The following ARHGEF7 variants were observed in gnomAD, a reference collection of about 807,000 sequenced individuals.
ARHGEF7 encodes PAK-interacting exchange factor beta.
A neutral mutation model predicts 109.8 loss-of-function variants in ARHGEF7; 33 were observed. That is an observed-to-expected ratio of 0.30 (90% confidence interval 0.23 to 0.40). The LOEUF is 0.40. Ranked by LOEUF, ARHGEF7 falls within the 10% of genes least tolerant of loss-of-function variation. ARHGEF7 has a pLI of 1.00. For synonymous variants in ARHGEF7, 458 were observed against 424.6 expected (o/e 1.08, Z -0.97); for missense variants, 938 against 1,098.5 (o/e 0.85, Z 2.07).
rs1243860235 is a variant in ARHGEF7, at chr13:111,272,647, C to A, written c.1074-1167C>A. 6.6e-6 allele frequency among the ~76,000 whole-genome samples: 1 copy of A among 152,108 alleles called. No individual in the cohort carries two copies. The highest frequency in any genetic ancestry group is 1.9e-4 in the East Asian group (1 of 5,198). Reference sequence around the variant, plus strand: ...TGGGGCGTGGTGATGGGGCGGGGGTCACCTGGGTCTCCTGGATGGGATGTG... The same window carrying A: ...TGGGGCGTGGTGATGGGGCGGGGGTAACCTGGGTCTCCTGGATGGGATGTG... On this transcript the variant is annotated intron_variant, in intron 9 of 21. Transcript: ENST00000646102. This position sits in a 1 kb window ranked among gnomAD's most constrained non-coding sequence, Gnocchi z 5.2.
intron 2 of ARHGEF7, among the ~76,000 whole-genome samples, chr13:111,186,407 T>C (rs1318684687): frequency 1.3e-5 from 2 of 152,218 alleles, no homozygotes; most frequent in Admixed American, 1.3e-4. Flanking sequence ...TGGGTGCATG[T>C]TGGGTGAAAG....
intron 19 of ARHGEF7, chr13:111,292,570 G>GT: frequency 7.5e-7 from 1 of 1,338,210 alleles, no homozygotes. Flanking sequence ...GGTGCTCTTC[G>GT]TAAGGGGTAG....
At chr13:111,125,478 C>T (rs1594827812) in intron 1 of ARHGEF7, among the ~76,000 whole-genome samples, 1 of 149,942 alleles carries the variant, frequency 6.7e-6, no homozygotes, top group Admixed American at 6.7e-5. Context: ...ATAAAAGAAA[C>T]GTAAGCCTCG....
At chr13:111,185,508 A>G (rs1211305876) in intron 2 of ARHGEF7, among the ~76,000 whole-genome samples, 1 of 152,084 alleles carries the variant, frequency 6.6e-6, no homozygotes, top group Non-Finnish European at 1.5e-5. Context: ...ATCTTGAGAA[A>G]CTTCTCAAAA....
At position 111,244,984 on chromosome 13, in the gene ARHGEF7, A is replaced by C. The variant is rs142888058; in HGVS notation, c.950+690A>C. Among the ~76,000 whole-genome samples the C allele has an allele frequency of 4.2e-3, 633 of 152,238 alleles. 4 individuals carry two copies. Among genetic ancestry groups the C allele is most frequent in the African/African-American group, 0.015 (616 of 41,536 alleles). ...TTGTCGAGATGCTTGAAGAAATGGT[A>C]GTTGGTTGGTGAGAGGTCAGGTGAA... On this transcript the variant is annotated intron_variant, in intron 8 of 21. Coordinates refer to ENST00000646102, the MANE Select transcript of ARHGEF7 (RefSeq NM_001354046.2).
At chr13:111,115,819 C>G in intron 1 of ARHGEF7, 128 bp downstream of exon 1, 1 of 298,162 alleles carries the variant, frequency 3.4e-6, no homozygotes, top group African/African-American at 2.3e-5. Context: ...CGCGGAGCGG[C>G]GGCGCGGCCG....
intron 19 of ARHGEF7, chr13:111,293,751 G>A: frequency 1.0e-6 from 1 of 985,350 alleles, no homozygotes. Flanking sequence ...GTAATTCCAG[G>A]TGGCCGTGAT....
chr13:111,250,964 C>G (rs1258670242), intron 8 of ARHGEF7, among the ~76,000 whole-genome samples: 1 of 152,220 alleles, frequency 6.6e-6, no homozygotes, highest in Non-Finnish European at 1.5e-5. Flanking sequence ...TTGGTGGTTT[C>G]TAATGTAGGC....
chr13:111,246,352 G>C (rs1443139612), intron 8 of ARHGEF7, among the ~76,000 whole-genome samples: 2 of 152,100 alleles, frequency 1.3e-5, no homozygotes, highest in Admixed American at 1.3e-4. Context: ...TTCAGCTTGT[G>C]CCTATTTAGG....
chr13:111,285,941 A>G (rs1426000196), intron 16 of ARHGEF7, among the ~76,000 whole-genome samples: 2 of 152,168 alleles, frequency 1.3e-5, no homozygotes, highest in Non-Finnish European at 2.9e-5. Flanking sequence ...AAATTAGCCA[A>G]TGACTAATAC....
Position 111,247,084 on chromosome 13 carries a change from G to T in ARHGEF7, c.950+2790G>T, listed in dbSNP as rs868273231. The stretch of plus-strand genomic sequence containing the variant: ...TGTATACGAGGTGTTAGAGTTCCAC[G>T]GGGAAATGGAATGTACTAGACGAAG... On this transcript the variant is annotated intron_variant, in intron 8 of 21. Coordinates refer to ENST00000646102, the MANE Select transcript of ARHGEF7 (RefSeq NM_001354046.2). 2.0e-5 allele frequency among the ~76,000 whole-genome samples: 3 copies of T among 152,226 alleles called. No homozygotes were observed. The South Asian group carries it at 6.2e-4, about 32-fold the overall frequency.
chr13:111,291,460 C>A (rs1364630787), intron 18 of ARHGEF7, among the ~76,000 whole-genome samples: 2 of 152,250 alleles, frequency 1.3e-5, no homozygotes. Flanking sequence ...CTCCAGCGCG[C>A]CCTGGGAGCA....
intron 1 of ARHGEF7, among the ~76,000 whole-genome samples, chr13:111,119,826 C>G (rs1386457948): frequency 6.6e-6 from 1 of 152,134 alleles, no homozygotes; most frequent in African/African-American, 2.4e-5. Context: ...AAGTGCTCAC[C>G]TGCTAGAAAT....
At chr13:111,298,390 G>A (rs1595628769) in intron 19 of ARHGEF7, among the ~76,000 whole-genome samples, 1 of 152,162 alleles carries the variant, frequency 6.6e-6, no homozygotes, top group Non-Finnish European at 1.5e-5. Flanking sequence ...TTCCTAAGCA[G>A]TATCTTCCCG....
chr13:111,129,477 AT>A (rs1331368895), intron 1 of ARHGEF7, among the ~76,000 whole-genome samples: 2 of 152,228 alleles, frequency 1.3e-5, no homozygotes, highest in Non-Finnish European at 2.9e-5. Context: ...TGCAAATCAC[AT>A]GTCTGTTTAA....
At chr13:111,280,432 T>G (rs1243323063) in intron 14 of ARHGEF7, 82 bp downstream of exon 14, 1 of 1,584,028 alleles carries the variant, frequency 6.3e-7, no homozygotes, top group African/African-American at 1.4e-5. Context: ...TGCTTGCGTA[T>G]TTCAGAAGGT....
chr13:111,248,692 C>T (rs779571588), intron 8 of ARHGEF7, among the ~76,000 whole-genome samples: 2 of 152,042 alleles, frequency 1.3e-5, no homozygotes, highest in African/African-American at 2.4e-5. Context: ...GAATTTGTTT[C>T]GCTTAAAAAA....
chr13:111,205,261 A>AT (rs2081676913), intron 2 of ARHGEF7, 28 bp from the exon 3 acceptor site: 1 of 1,574,090 alleles, frequency 6.4e-7, no homozygotes, highest in African/African-American at 1.4e-5. Flanking sequence ...GACTCTACTA[A>AT]TTTTGCTTGT....
At chr13:111,295,072 A>G (rs2093397045) in intron 19 of ARHGEF7, 1 of 985,222 alleles carries the variant, frequency 1.0e-6, no homozygotes, top group African/African-American at 1.7e-5. Context: ...GTATATCTGA[A>G]TGTTGCATTG....
Sources: allele counts gnomAD v4.1 joint callset (sites outside exome capture counted in the v4.1 genomes callset), GRCh38; gene constraint gnomAD v4.1.1; non-coding constraint Gnocchi (gnomAD v3.1); transcripts MANE v1.5; gene names NCBI Gene and HGNC (gene_info 2026-07-23, HGNC 2026-07-21).